Variants in CUX1 observed in about 807,000 individuals in gnomAD.
CUX1 encodes the protein cut like homeobox 1, also known as protein CASP.
In CUX1, 31 loss-of-function variants were observed where a neutral mutation model predicts 158.8. The observed-to-expected ratio is 0.20, with a 90% CI of 0.15 to 0.26. The LOEUF (loss-of-function observed/expected upper bound fraction) is 0.26. CUX1 is among the 10% of genes least tolerant of loss of function. The pLI, the probability that CUX1 is intolerant of heterozygous loss-of-function variation, is 1.00. For synonymous variants in CUX1, 879 were observed against 862.1 expected, an observed-to-expected ratio of 1.02 and a Z score of -0.34; for missense variants, 1,589 against 2,014.6, an observed-to-expected ratio of 0.79 and a Z score of 4.04.
chr7:102,162,043 T>C (rs1554507314), intron 9 of CUX1, among the ~76,000 whole-genome samples: 1 of 151,778 alleles, frequency 6.6e-6, no homozygotes, highest in Admixed American at 6.6e-5. Flanking sequence ...ACGTTCCTAA[T>C]CTTGGGGTAG....
At position 102,046,385 on chromosome 7, in the gene CUX1, A is replaced by C. The variant is rs1242229827; in HGVS notation, c.189+18240A>C. On this transcript the variant is annotated intron_variant, in intron 3 of 23. Transcript: ENST00000292535. Reference sequence around the variant, plus strand: ...GTAGCTGGGATTACAGGCACGCACCACCACACCTGGCTAATTTTTATATGT... The same window carrying C: ...GTAGCTGGGATTACAGGCACGCACCCCCACACCTGGCTAATTTTTATATGT... 1.6e-4 allele frequency among the ~76,000 whole-genome samples: 25 copies of C among 152,060 alleles called. No homozygotes were observed. The South Asian group carries it at 3.3e-3, about 20-fold the overall frequency.
At chr7:102,154,745 C>G (rs1554504620) in intron 8 of CUX1, among the ~76,000 whole-genome samples, 2 of 152,154 alleles carry the variant, frequency 1.3e-5, no homozygotes, top group African/African-American at 2.4e-5. Context: ...ACAGAAGTAG[C>G]TATGCCAACA....
chr7:101,879,537 C>G (rs2131545038), intron 1 of CUX1, among the ~76,000 whole-genome samples: 1 of 152,354 alleles, frequency 6.6e-6, no homozygotes, highest in East Asian at 1.9e-4. Context: ...GTGGTTGAGG[C>G]TGGTCTTACC....
chr7:101,928,222 C>T (rs1323990904), intron 2 of CUX1, among the ~76,000 whole-genome samples: 1 of 152,016 alleles, frequency 6.6e-6, no homozygotes, highest in Non-Finnish European at 1.5e-5. Context: ...ATAACGACCT[C>T]GGAGTCATTA....
At chr7:101,982,933 T>C (rs1268226827) in intron 2 of CUX1, among the ~76,000 whole-genome samples, 1 of 146,250 alleles carries the variant, frequency 6.8e-6, no homozygotes, top group Non-Finnish European at 1.5e-5. Context: ...GGGACAGTTT[T>C]AATCAATCCC....
intron 2 of CUX1, among the ~76,000 whole-genome samples, chr7:102,014,427 A>G (rs916572176): frequency 6.6e-6 from 1 of 152,136 alleles, no homozygotes; most frequent in Non-Finnish European, 1.5e-5. Flanking sequence ...GATACGCTCT[A>G]CGCTCTGCAG....
chr7:102,162,835 G>T (rs1018017190), intron 9 of CUX1, among the ~76,000 whole-genome samples: 7 of 152,144 alleles, frequency 4.6e-5, no homozygotes, highest in African/African-American at 1.7e-4. Flanking sequence ...ATTCCCAGTG[G>T]TCTGGCTCTC....
chr7:102,191,562 A>G (rs1169955697), intron 12 of CUX1, among the ~76,000 whole-genome samples: 1 of 152,070 alleles, frequency 6.6e-6, no homozygotes, highest in Non-Finnish European at 1.5e-5. Context: ...TGCCTCTCCT[A>G]TCCCATTCTT....
In CUX1 at chr7:102,253,795, G is replaced by A. The variant is rs1288058237; in HGVS notation, c.*4753G>A. ...TGTACAGGGCGAGATGTAGCAACAC[G>A]GGGCATGAGCGGTGGGCGTGCTGGG... is the stretch of plus-strand genomic sequence containing the variant. On this transcript the variant is annotated 3_prime_UTR_variant, in exon 24 of 24. Coordinates refer to ENST00000292535, the MANE Select transcript of CUX1 (RefSeq NM_181552.4). The A allele has an allele frequency of 1.4e-5, 14 of 985,412 alleles. No homozygotes were observed. The highest frequency in any genetic ancestry group is 3.5e-5 in the African/African-American group (2 of 57,230). 61.0% of individuals were successfully genotyped at this position (985,412 alleles called of 1,614,324 possible).
At chr7:102,132,321 G>GCA (rs1268303904) in intron 8 of CUX1, among the ~76,000 whole-genome samples, 5 of 102 alleles carry the variant, frequency 0.049, no homozygotes, top group African/African-American at 0.16. Context: ...GCGCGCGCGC[G>GCA]CGCACGCCAC....
intron 3 of CUX1, among the ~76,000 whole-genome samples, chr7:102,037,603 C>T (rs183329536): frequency 2.0e-4 from 30 of 151,458 alleles, no homozygotes; most frequent in Non-Finnish European, 3.4e-4. Context: ...CCACCCACCT[C>T]GGCTTCCCAA....
intron 4 of CUX1, among the ~76,000 whole-genome samples, chr7:102,091,745 TAC>T (rs1828603470): frequency 1.3e-5 from 2 of 152,186 alleles, no homozygotes; most frequent in African/African-American, 4.8e-5. Flanking sequence ...GTTGAAGTAC[TAC>T]AGTTTTGGTT....
chr7:101,915,004 C>T (rs146009939), intron 1 of CUX1, among the ~76,000 whole-genome samples: 4 of 152,152 alleles, frequency 2.6e-5, no homozygotes, highest in Non-Finnish European at 4.4e-5. Flanking sequence ...TTCTTGGAGG[C>T]GTGGGGATAA....
chr7:102,234,562 C>T lies in CUX1; in HGVS notation c.3622+322C>T, dbSNP rs145028737. On this transcript the variant is annotated intron_variant, in intron 22 of 23. Coordinates refer to ENST00000292535, the MANE Select transcript of CUX1 (RefSeq NM_181552.4). ...TGGGTGGCTGATCGGGCTATCACAG[C>T]ATTTACTGAGCATGTACCAGGTGGC... is the stretch of plus-strand genomic sequence containing the variant. 4.1e-4 allele frequency among the ~76,000 whole-genome samples: 63 copies of T among 152,208 alleles called. No homozygotes were observed. In the East Asian group the frequency reaches 0.011, roughly 26 times the overall value.
chr7:102,198,044 A>G (rs554398699), intron 15 of CUX1, among the ~76,000 whole-genome samples: 22 of 152,348 alleles, frequency 1.4e-4, no homozygotes, highest in African/African-American at 5.0e-4. Flanking sequence ...GCTTGAGTCC[A>G]GGAGTTCAAG....
intron 1 of CUX1, among the ~76,000 whole-genome samples, chr7:101,879,927 G>A (rs1799544851): frequency 1.3e-5 from 2 of 152,218 alleles, no homozygotes; most frequent in South Asian, 4.1e-4. Flanking sequence ...CTGACTTGTG[G>A]ACTTTGGTGG....
chr7:102,078,986 C>T (rs1400910165), intron 4 of CUX1, among the ~76,000 whole-genome samples: 1 of 152,138 alleles, frequency 6.6e-6, no homozygotes, highest in African/African-American at 2.4e-5. Flanking sequence ...TTTAATGCTC[C>T]TCCAGGAGAA....
chr7:102,068,888 T>C (rs147397556), intron 3 of CUX1, among the ~76,000 whole-genome samples: 1 of 152,350 alleles, frequency 6.6e-6, no homozygotes, highest in Admixed American at 6.5e-5. Context: ...AGTCCAACCA[T>C]GGCAGGCTCT....
chr7:102,231,520 C>T (rs1302300312), intron 21 of CUX1, among the ~76,000 whole-genome samples: 1 of 151,982 alleles, frequency 6.6e-6, no homozygotes, highest in Non-Finnish European at 1.5e-5. Flanking sequence ...AATTAAAAGT[C>T]ATGGCTAGGA....
Sources: allele counts gnomAD v4.1 joint callset (sites outside exome capture counted in the v4.1 genomes callset), GRCh38; gene constraint gnomAD v4.1.1; transcripts MANE v1.5; gene names NCBI Gene and HGNC (gene_info 2026-07-23, HGNC 2026-07-21).